Variants in NPSR1 observed in about 807,000 individuals in gnomAD.
The protein encoded by NPSR1 is neuropeptide S receptor.
A neutral mutation model predicts 46.9 loss-of-function variants in NPSR1; 48 were observed. The observed-to-expected ratio is 1.02, with a 90% CI of 0.81 to 1.30. The LOEUF (loss-of-function observed/expected upper bound fraction) is 1.30. Ranked by LOEUF, NPSR1 falls within the 50% of genes most tolerant of loss-of-function variation. NPSR1 has a pLI of 0.00. For missense variants in NPSR1, 450 were observed against 449.5 expected (o/e 1.00, Z -0.01); for synonymous variants, 176 against 168.1 (o/e 1.05, Z -0.36).
At chr7:34,751,918 A>G in intron 2 of NPSR1, 1 of 1,423,260 alleles carries the variant, frequency 7.0e-7, no homozygotes, top group Non-Finnish European at 9.9e-7. Flanking sequence ...AGTCACTCAA[A>G]CAACTTGTGT....
At chr7:34,746,621 A>G (rs1341501735) in intron 2 of NPSR1, among the ~76,000 whole-genome samples, 2 of 152,182 alleles carry the variant, frequency 1.3e-5, no homozygotes, top group South Asian at 2.1e-4. Flanking sequence ...TAGCATTTCT[A>G]TCATTACATA....
chr7:34,855,878 C>T (rs142539047), intron 8 of NPSR1, among the ~76,000 whole-genome samples: 140 of 152,212 alleles, frequency 9.2e-4, no homozygotes, highest in African/African-American at 3.3e-3. Flanking sequence ...TCACTCAACT[C>T]GTTACATTAA....
chr7:34,696,995 C>G (rs1793564006), intron 2 of NPSR1, among the ~76,000 whole-genome samples: 1 of 151,718 alleles, frequency 6.6e-6, no homozygotes, highest in Non-Finnish European at 1.5e-5. Flanking sequence ...GGATACATAC[C>G]AAAATGTTTA....
chr7:34,793,972 AAG>A (rs1788056322), intron 3 of NPSR1, among the ~76,000 whole-genome samples: 1 of 152,182 alleles, frequency 6.6e-6, no homozygotes, highest in Non-Finnish European at 1.5e-5. Context: ...TACACACAGA[AAG>A]AAAACTACTG....
chr7:34,835,929 A>C (rs1013338027), intron 6 of NPSR1, among the ~76,000 whole-genome samples: 2 of 152,152 alleles, frequency 1.3e-5, no homozygotes, highest in African/African-American at 4.8e-5. Flanking sequence ...CATGGATTTT[A>C]TTATTTCGGA....
At chr7:34,808,108 G>A (rs1376044115) in intron 3 of NPSR1, among the ~76,000 whole-genome samples, 1 of 152,064 alleles carries the variant, frequency 6.6e-6, no homozygotes, top group Non-Finnish European at 1.5e-5. Flanking sequence ...GCAGAGCTTG[G>A]GCCGATATGG....
chr7:34,733,081 G>C (rs1018964120), intron 2 of NPSR1, among the ~76,000 whole-genome samples: 10 of 152,168 alleles, frequency 6.6e-5, no homozygotes, highest in Non-Finnish European at 1.3e-4. Context: ...ACAAATGAAT[G>C]ATGAAACGGT....
At chr7:34,684,220 TTTC>T (rs1792803078) in intron 1 of NPSR1, among the ~76,000 whole-genome samples, 1 of 152,242 alleles carries the variant, frequency 6.6e-6, no homozygotes, top group African/African-American at 2.4e-5. Flanking sequence ...CAATTTCTAA[TTTC>T]TTTTTATAAT....
intron 3 of NPSR1, among the ~76,000 whole-genome samples, chr7:34,784,008 C>T (rs1427894929): frequency 6.6e-6 from 1 of 151,676 alleles, no homozygotes; most frequent in East Asian, 1.9e-4. Context: ...AAATTCTACA[C>T]AGAATCTTCA....
chr7:34,844,960 G>C lies in NPSR1; in HGVS notation c.822G>C (p.Lys274Asn), dbSNP rs1282766838. The change falls in exon 7 of 9, where the codon AAG becomes AAC. Residue 274 changes from lysine to asparagine, a missense_variant. Lys to Asn is a moderately conservative substitution (Grantham distance 94). Transcript: ENST00000360581. ...CAAAGGCAAAAATCAAGGCTATCAA[G>C]TATAGCATCATCATCATTCTTGGTA... ...LISKAKIKAI[K>N]YSIIIILAFI... 1 of 1,611,750 alleles carries C rather than the reference G, an allele frequency of 6.2e-7. No homozygotes were observed. Among genetic ancestry groups the C allele is most frequent in the East Asian group, 2.2e-5 (1 of 44,874 alleles).
intron 1 of NPSR1, among the ~76,000 whole-genome samples, chr7:34,666,563 A>G (rs1485676264): frequency 6.6e-6 from 1 of 152,202 alleles, no homozygotes; most frequent in African/African-American, 2.4e-5. Context: ...AAAAAAAGCC[A>G]AGGGAATCTT....
chr7:34,850,398 C>CTTT (rs756462912), downstream of NPSR1, among the ~76,000 whole-genome samples: 34 of 113,032 alleles, frequency 3.0e-4, no homozygotes, highest in East Asian at 7.0e-4. Flanking sequence ...TCCTTGAGGC[C>CTTT]TTTTTTTTTT....
intron 2 of NPSR1, among the ~76,000 whole-genome samples, chr7:34,740,443 G>T (rs1285078770): frequency 1.3e-5 from 2 of 151,528 alleles, no homozygotes; most frequent in East Asian, 3.9e-4. Flanking sequence ...GGTAGCAATT[G>T]TTACGAAGTT....
intron 3 of NPSR1, among the ~76,000 whole-genome samples, chr7:34,805,692 G>A (rs1353772727): frequency 3.3e-5 from 5 of 151,642 alleles, no homozygotes. Context: ...TTGAAATGTT[G>A]GACATTATGA....
chr7:34,679,155 TTAAAA>T (rs1379430036), intron 1 of NPSR1, among the ~76,000 whole-genome samples: 1 of 152,052 alleles, frequency 6.6e-6, no homozygotes, highest in African/African-American at 2.4e-5. Context: ...AGTGAACAAA[TTAAAA>T]TAAAAACACA....
chr7:34,667,127 C>T (rs1791792503), intron 1 of NPSR1, among the ~76,000 whole-genome samples: 1 of 152,202 alleles, frequency 6.6e-6, no homozygotes. Flanking sequence ...TAAGGAATCA[C>T]ATCCTTTCCT....
intron 2 of NPSR1, among the ~76,000 whole-genome samples, chr7:34,720,262 A>C (rs1409083827): frequency 1.4e-5 from 2 of 147,276 alleles, no homozygotes; most frequent in East Asian, 4.0e-4. Context: ...CCTGGGCAAC[A>C]GAGCAAGATT....
intron 2 of NPSR1, among the ~76,000 whole-genome samples, chr7:34,691,167 C>T (rs1329919461): frequency 6.6e-6 from 1 of 152,244 alleles, no homozygotes; most frequent in East Asian, 1.9e-4. Flanking sequence ...CTTAACCAGA[C>T]AAATAAATGC....
intron 3 of NPSR1, among the ~76,000 whole-genome samples, chr7:34,802,703 A>G (rs1245873769): frequency 2.7e-5 from 4 of 150,590 alleles, no homozygotes; most frequent in African/African-American, 1.0e-4. Context: ...AACAAAAGCC[A>G]TAATTGACAA....
Sources: allele counts gnomAD v4.1 joint callset (sites outside exome capture counted in the v4.1 genomes callset), GRCh38; gene constraint gnomAD v4.1.1; transcripts MANE v1.5; gene names NCBI Gene and HGNC (gene_info 2026-07-23, HGNC 2026-07-21).